The following ANO2 variants were observed in gnomAD, a reference collection of about 807,000 sequenced individuals.
ANO2 encodes anoctamin-2.
ANO2 carries 101 observed loss-of-function variants against 124.2 expected under a neutral mutation model. That is an observed-to-expected ratio of 0.81 (90% confidence interval 0.69 to 0.96). The LOEUF is 0.96. Ranked by LOEUF, ANO2 falls within the 40% of genes least tolerant of loss-of-function variation. The pLI, the probability that ANO2 is intolerant of heterozygous loss-of-function variation, is 0.00. For synonymous variants in ANO2, 486 were observed against 482.5 expected, an observed-to-expected ratio of 1.01 and a Z score of -0.09; for missense variants, 1,293 against 1,274.5, an observed-to-expected ratio of 1.01 and a Z score of -0.22.
intron 3 of ANO2, among the ~76,000 whole-genome samples, chr12:5,917,424 GT>G (rs1941444649): frequency 6.6e-6 from 1 of 152,148 alleles, no homozygotes; most frequent in East Asian, 1.9e-4. Context: ...CTGCATTTTT[GT>G]TTGCTAAACC....
chr12:5,666,949 T>C (rs1029302046), intron 14 of ANO2, among the ~76,000 whole-genome samples: 1 of 152,224 alleles, frequency 6.6e-6, no homozygotes, highest in African/African-American at 2.4e-5. Context: ...AGGTCAACCA[T>C]GCAGGTGGAA....
intron 14 of ANO2, among the ~76,000 whole-genome samples, chr12:5,698,647 C>T (rs183302820): frequency 1.3e-3 from 203 of 152,230 alleles, no homozygotes; most frequent in African/African-American, 4.8e-3. Context: ...CAAATTTCTC[C>T]GAGCTAAAGG....
chr12:5,893,905 T>C (rs1939590857), intron 3 of ANO2, among the ~76,000 whole-genome samples: 1 of 152,164 alleles, frequency 6.6e-6, no homozygotes, highest in African/African-American at 2.4e-5. Context: ...GGCATTTGGG[T>C]TGGTTCCAAG....
intron 20 of ANO2, among the ~76,000 whole-genome samples, chr12:5,594,979 T>C (rs1486458293): frequency 6.6e-6 from 1 of 152,210 alleles, no homozygotes; most frequent in Non-Finnish European, 1.5e-5. Context: ...ATCTTGGGAT[T>C]ACTAAATCAA....
intron 4 of ANO2, among the ~76,000 whole-genome samples, chr12:5,838,478 C>A (rs991199488): frequency 1.3e-5 from 2 of 152,138 alleles, no homozygotes; most frequent in African/African-American, 2.4e-5. Context: ...TTCATATCCA[C>A]AATAAAACAC....
intron 7 of ANO2, among the ~76,000 whole-genome samples, chr12:5,825,094 A>G (rs1953916999): frequency 6.6e-6 from 1 of 152,198 alleles, no homozygotes; most frequent in Non-Finnish European, 1.5e-5. Flanking sequence ...CCGTGGACTC[A>G]TAGAATGTCT....
chr12:5,781,731 T>C (rs938628521), intron 10 of ANO2, among the ~76,000 whole-genome samples: 4 of 152,236 alleles, frequency 2.6e-5, no homozygotes, highest in Non-Finnish European at 4.4e-5. Context: ...ACGGTCTGCA[T>C]AAATGCAAGG....
chr12:5,680,390 G>A (rs1948438824), intron 14 of ANO2, among the ~76,000 whole-genome samples: 1 of 152,198 alleles, frequency 6.6e-6, no homozygotes, highest in African/African-American at 2.4e-5. Flanking sequence ...AAAAAGGAAA[G>A]AGGGGCCAGA....
chr12:5,747,048 C>T (rs1951285447), intron 11 of ANO2, among the ~76,000 whole-genome samples: 2 of 152,186 alleles, frequency 1.3e-5, no homozygotes, highest in Non-Finnish European at 2.9e-5. Context: ...TCATTTAAAG[C>T]TCCACCTCAT....
chr12:5,701,400 C>T (rs1344104777), intron 14 of ANO2, among the ~76,000 whole-genome samples: 3 of 152,048 alleles, frequency 2.0e-5, no homozygotes, highest in Non-Finnish European at 2.9e-5. Context: ...CTCAAATTTA[C>T]CCCATTTTAT....
chr12:5,679,738 A>T (rs981804307), intron 14 of ANO2, among the ~76,000 whole-genome samples: 1 of 152,222 alleles, frequency 6.6e-6, no homozygotes, highest in African/African-American at 2.4e-5. Context: ...GTGATTCCTC[A>T]AAGACCTAGA....
At chr12:5,942,428 T>C (rs193181929) in intron 1 of ANO2, among the ~76,000 whole-genome samples, 4 of 152,372 alleles carry the variant, frequency 2.6e-5, no homozygotes, top group African/African-American at 4.8e-5. Flanking sequence ...CTTACATCAA[T>C]ATCACCATGA....
At chr12:5,797,974 T>A (rs1033347890) in intron 10 of ANO2, among the ~76,000 whole-genome samples, 2 of 152,122 alleles carry the variant, frequency 1.3e-5, no homozygotes, top group Non-Finnish European at 1.5e-5. Flanking sequence ...ATTGGAGCCA[T>A]TTGCCACTTA....
chr12:5,869,073 A>G (rs1413984576), intron 3 of ANO2, among the ~76,000 whole-genome samples: 1 of 152,174 alleles, frequency 6.6e-6, no homozygotes, highest in East Asian at 1.9e-4. Flanking sequence ...CAGGTGGCAA[A>G]TGAGAGAATG....
intron 1 of ANO2, among the ~76,000 whole-genome samples, chr12:5,929,994 C>T (rs369135961): frequency 8.5e-5 from 11 of 129,966 alleles, no homozygotes; most frequent in African/African-American, 1.3e-4. Flanking sequence ...TACTAGTCTA[C>T]CTTCTTTCCT....
intron 20 of ANO2, among the ~76,000 whole-genome samples, chr12:5,585,997 A>G (rs1565441517): frequency 1.3e-5 from 2 of 152,244 alleles, no homozygotes; most frequent in Non-Finnish European, 2.9e-5. Context: ...TTTGAGCAGT[A>G]ACGTTTACTC....
chr12:5,893,557 G>C (rs1418364018), intron 3 of ANO2, among the ~76,000 whole-genome samples: 1 of 150,378 alleles, frequency 6.6e-6, no homozygotes, highest in Non-Finnish European at 1.5e-5. Flanking sequence ...TTGTTACATA[G>C]GTATACACAA....
In ANO2 at chr12:5,647,599, C is replaced by A. The variant is rs895779891; in HGVS notation, c.1620+128G>T. The A allele has an allele frequency of 2.1e-5, 17 of 812,080 alleles. No individual in the cohort carries two copies. In the African/African-American group the frequency reaches 2.4e-4, roughly 11 times the overall value. The allele number at this position is 812,080 out of a possible 1,614,324, so 50.3% of individuals were successfully genotyped here. On this transcript the variant is annotated intron_variant, in intron 15 of 24. Coordinates refer to ENST00000682330, the MANE Select transcript of ANO2 (RefSeq NM_001364791.2). ...TATCAGACAAGATCCTGCCCCTCTA[C>A]ACAGGACTGTGGCTTCCCCTTTACC...
chr12:5,773,434 AC>A (rs1337094224), intron 10 of ANO2, among the ~76,000 whole-genome samples: 2 of 152,196 alleles, frequency 1.3e-5, no homozygotes, highest in African/African-American at 4.8e-5. Context: ...GTCCAAAATC[AC>A]CACCAACAGC....
Sources: gnomAD v4.1 joint callset for allele counts (sites outside exome capture counted in the v4.1 genomes callset) on GRCh38, gnomAD v4.1.1 for gene constraint, MANE v1.5 for transcripts, NCBI Gene and HGNC (gene_info 2026-07-23, HGNC 2026-07-21) for gene names.